AMPH: variants seen among roughly 807,000 people sequenced by gnomAD.
AMPH encodes amphiphysin (Stiff-Mann syndrome with breast cancer 128kD autoantigen).
A neutral mutation model predicts 99.1 loss-of-function variants in AMPH; 49 were observed. The observed-to-expected ratio is 0.49, with a 90% CI of 0.39 to 0.63. The LOEUF (loss-of-function observed/expected upper bound fraction) is 0.63, where lower values mean the gene tolerates loss of function less well. Among genes scored for constraint, AMPH ranks in the 20% least tolerant of loss-of-function variants. The pLI is 0.00. For missense variants in AMPH, 759 were observed against 863.4 expected (o/e 0.88, Z 1.52); for synonymous variants, 314 against 317.3 (o/e 0.99, Z 0.11).
At chr7:38,428,360 T>A in intron 14 of AMPH, 1 of 456,734 alleles carries the variant, frequency 2.2e-6, no homozygotes, top group Non-Finnish European at 4.4e-6. Flanking sequence ...CTTCTATTAG[T>A]GAACTTTCTG....
At chr7:38,468,718 A>C (rs1787761390) in intron 7 of AMPH, among the ~76,000 whole-genome samples, 1 of 152,240 alleles carries the variant, frequency 6.6e-6, no homozygotes, top group Non-Finnish European at 1.5e-5. Flanking sequence ...CCTAGCACCT[A>C]GTACACGGCA....
At chr7:38,399,555 T>C (rs1309648593) in intron 17 of AMPH, among the ~76,000 whole-genome samples, 1 of 152,232 alleles carries the variant, frequency 6.6e-6, no homozygotes, top group East Asian at 1.9e-4. Context: ...CCTCTTATTA[T>C]TATTGTTGTT....
At chr7:38,604,508 G>T (rs1262893096) in intron 1 of AMPH, among the ~76,000 whole-genome samples, 1 of 152,234 alleles carries the variant, frequency 6.6e-6, no homozygotes, top group East Asian at 1.9e-4. Context: ...GCACAGGGCA[G>T]TTGAGAGCTT....
At chr7:38,414,599 T>C (rs1218963671) in intron 17 of AMPH, among the ~76,000 whole-genome samples, 5 of 152,190 alleles carry the variant, frequency 3.3e-5, no homozygotes, top group African/African-American at 1.2e-4. Flanking sequence ...ATTGGCTCTG[T>C]GCTCATCTTT....
intron 1 of AMPH, among the ~76,000 whole-genome samples, chr7:38,613,904 T>C (rs574031771): frequency 6.6e-6 from 1 of 152,094 alleles, no homozygotes; most frequent in South Asian, 2.1e-4. Flanking sequence ...AGCAGTTCCA[T>C]AGTACAGAGG....
chr7:38,472,065 T>A (rs974438785), intron 7 of AMPH, among the ~76,000 whole-genome samples: 55 of 152,058 alleles, frequency 3.6e-4, no homozygotes, highest in Admixed American at 2.1e-3. Context: ...CAGAAGATAG[T>A]AAGGAAATAG....
intron 11 of AMPH, among the ~76,000 whole-genome samples, chr7:38,456,928 C>A (rs1418762775): frequency 6.6e-6 from 1 of 152,186 alleles, no homozygotes; most frequent in Non-Finnish European, 1.5e-5. Context: ...CAAAACTTTA[C>A]CCTGGCCCCC....
At chr7:38,621,297 A>C (rs190046049) in intron 1 of AMPH, among the ~76,000 whole-genome samples, 48 of 152,316 alleles carry the variant, frequency 3.2e-4, no homozygotes, top group Non-Finnish European at 5.6e-4. Flanking sequence ...ACTAATAACT[A>C]TGTACTTAGT....
intron 3 of AMPH, 68 bp downstream of exon 3, chr7:38,503,582 C>A: frequency 6.6e-7 from 1 of 1,515,972 alleles, no homozygotes; most frequent in Admixed American, 1.7e-5. Flanking sequence ...ACACTCAATC[C>A]TGTCACTCAT....
chr7:38,631,126 C>A (rs1298518655), intron 1 of AMPH, among the ~76,000 whole-genome samples, 157 bp downstream of exon 1: 1 of 151,834 alleles, frequency 6.6e-6, no homozygotes, highest in Non-Finnish European at 1.5e-5. Context: ...CGGCAGTCAC[C>A]GAGCTGAGGG....
At chr7:38,440,530 A>C (rs1475577509) in intron 11 of AMPH, among the ~76,000 whole-genome samples, 1 of 152,204 alleles carries the variant, frequency 6.6e-6, no homozygotes, top group East Asian at 1.9e-4. Flanking sequence ...TATTATTTAA[A>C]TCTTTTAAAA....
intron 16 of AMPH, chr7:38,420,942 T>C: frequency 4.4e-6 from 2 of 456,582 alleles, no homozygotes; most frequent in Non-Finnish European, 8.8e-6. Flanking sequence ...AGCCAAACAC[T>C]GGGGCGTTTT....
intron 16 of AMPH, among the ~76,000 whole-genome samples, chr7:38,420,023 A>G (rs968596263): frequency 6.6e-6 from 1 of 152,174 alleles, no homozygotes; most frequent in Non-Finnish European, 1.5e-5. Flanking sequence ...TTGAAATTTG[A>G]CAGTGCAGCT....
At chr7:38,592,679 T>C (rs76948458) in intron 1 of AMPH, among the ~76,000 whole-genome samples, 42,113 of 149,270 alleles carry the variant, frequency 0.28, 6,243 homozygotes, top group Non-Finnish European at 0.34. Flanking sequence ...TGCAGTGTGC[T>C]GAGGTCATGC....
chr7:38,631,187 C>T, intron 1 of AMPH, 96 bp downstream of exon 1: 1 of 1,117,662 alleles, frequency 8.9e-7, no homozygotes, highest in Admixed American at 4.5e-5. Context: ...GCGCGCCGCA[C>T]CCCGAGGCTC....
intron 1 of AMPH, among the ~76,000 whole-genome samples, chr7:38,536,438 C>G (rs182524484): frequency 1.1e-3 from 170 of 152,244 alleles, no homozygotes; most frequent in African/African-American, 3.7e-3. Flanking sequence ...AGTCAGAGTT[C>G]ATGCAGATTT....
chr7:38,457,109 C>T (rs541664086), intron 11 of AMPH, among the ~76,000 whole-genome samples: 2 of 152,258 alleles, frequency 1.3e-5, no homozygotes, highest in Admixed American at 1.3e-4. Flanking sequence ...CCCTCCCCTA[C>T]AAAAACCAAT....
intron 1 of AMPH, among the ~76,000 whole-genome samples, chr7:38,615,114 T>G (rs1793830988): frequency 6.6e-6 from 1 of 152,162 alleles, no homozygotes; most frequent in South Asian, 2.1e-4. Flanking sequence ...AACATTGCAC[T>G]GCAAAGTCAA....
At chr7:38,447,294 C>T (rs1786825200) in intron 11 of AMPH, among the ~76,000 whole-genome samples, 1 of 152,182 alleles carries the variant, frequency 6.6e-6, no homozygotes, top group Non-Finnish European at 1.5e-5. Flanking sequence ...GCTGGGAGTA[C>T]AGGCATGAGC....
Sources: allele counts gnomAD v4.1 joint callset (sites outside exome capture counted in the v4.1 genomes callset), GRCh38; gene constraint gnomAD v4.1.1; transcripts MANE v1.5; gene names NCBI Gene and HGNC (gene_info 2026-07-23, HGNC 2026-07-21).